The following ODF2L variants were observed in gnomAD, a reference collection of about 807,000 sequenced individuals.
ODF2L encodes outer dense fiber of sperm tails 2 like, also known as protein BCAP.
A neutral mutation model predicts 86.3 loss-of-function variants in ODF2L; 76 were observed. The observed-to-expected ratio is 0.88, with a 90% CI of 0.73 to 1.07. The LOEUF is 1.07. Among genes scored for constraint, ODF2L ranks in the 50% least tolerant of loss-of-function variants. The pLI is 0.00. For missense variants in ODF2L, 748 were observed against 717.4 expected (o/e 1.04, Z -0.49); for synonymous variants, 241 against 231.3 (o/e 1.04, Z -0.38).
chr1:86,361,090 A>C lies in ODF2L; in HGVS notation c.1144-554T>G, dbSNP rs78459527. Reference sequence around the variant, plus strand: ...ATAGCAAAAGTCCTAAAGAGCATAAAATTAAAAGAAGATATGTAGAAATGT... The same window carrying C: ...ATAGCAAAAGTCCTAAAGAGCATAACATTAAAAGAAGATATGTAGAAATGT... On this transcript the variant is annotated intron_variant, in intron 11 of 17. Coordinates refer to ENST00000317336, the Ensembl canonical transcript of ODF2L. Among the ~76,000 whole-genome samples, 1,744 of 152,326 alleles carry C rather than the reference A, an allele frequency of 0.011. 70 individuals carry two copies. In the East Asian group the frequency reaches 0.12, roughly 10 times the overall value.
chr1:86,380,283 T>C (rs964995720), intron 7 of ODF2L, among the ~76,000 whole-genome samples: 27 of 152,158 alleles, frequency 1.8e-4, no homozygotes, highest in African/African-American at 6.5e-4. Context: ...TTAGATTTGA[T>C]TTTTTTGAAG....
chr1:86,347,489 T>C (rs1657869926), downstream of ODF2L: 1 of 152,124 alleles, frequency 6.6e-6, no homozygotes, highest in Non-Finnish European at 1.5e-5. Context: ...TTGTTAGCAA[T>C]TGTTGGGTAA....
At chr1:86,391,585 C>G (rs556363542) in intron 1 of ODF2L, among the ~76,000 whole-genome samples, 1 of 152,226 alleles carries the variant, frequency 6.6e-6, no homozygotes, top group South Asian at 2.1e-4. Flanking sequence ...AAAAGACACC[C>G]TATTCAACAA....
chr1:86,366,429 C>CACAT (rs756627986), intron 11 of ODF2L, among the ~76,000 whole-genome samples: 1 of 139,832 alleles, frequency 7.2e-6, no homozygotes, highest in African/African-American at 2.9e-5. Flanking sequence ...CACACACACA[C>CACAT]ACACATACAC....
At chr1:86,382,139 G>A in intron 7 of ODF2L, 103 bp downstream of exon 7, 3 of 1,359,188 alleles carry the variant, frequency 2.2e-6, no homozygotes, top group South Asian at 1.8e-5. Context: ...GTCAACAACT[G>A]TGTATTTTAA....
exon 18 of ODF2L, chr1:86,351,559 T>C (rs1381703529): frequency 6.6e-6 from 1 of 152,212 alleles, no homozygotes; most frequent in African/African-American, 2.4e-5. Context: ...TTGCTTAGGA[T>C]TGTCTTGGTT....
chr1:86,394,623 C>T (rs1436566874), intron 1 of ODF2L, among the ~76,000 whole-genome samples: 1 of 151,862 alleles, frequency 6.6e-6, no homozygotes, highest in Non-Finnish European at 1.5e-5. Flanking sequence ...GAGAGCAGAC[C>T]GCGACCAGAT....
chr1:86,378,726 T>C (rs1660350133), intron 7 of ODF2L, among the ~76,000 whole-genome samples: 1 of 151,998 alleles, frequency 6.6e-6, no homozygotes, highest in Admixed American at 6.5e-5. Flanking sequence ...CTCACTATCA[T>C]GAGAACAGGA....
chr1:86,389,157 T>G (rs945905438), intron 1 of ODF2L, among the ~76,000 whole-genome samples: 1 of 152,212 alleles, frequency 6.6e-6, no homozygotes, highest in Admixed American at 6.5e-5. Flanking sequence ...TTGGACCAAA[T>G]GTATTCTTGT....
At position 86,378,333 on chromosome 1, in the gene ODF2L, C is replaced by T. The variant is rs543116847; in HGVS notation, c.625-1915G>A. On this transcript the variant is annotated intron_variant, in intron 7 of 17. Transcript: ENST00000317336. ...CAGCATTTTGCTCAACACCATTCAA[C>T]AAGCCTCTAGGAAGTTCCAAGCTCT... 6.6e-5 allele frequency among the ~76,000 whole-genome samples: 10 copies of T among 152,290 alleles called. No homozygotes were observed. In the East Asian group the frequency reaches 1.7e-3, roughly 26 times the overall value.
chr1:86,380,550 C>T (rs1399931950), intron 7 of ODF2L, among the ~76,000 whole-genome samples: 1 of 152,086 alleles, frequency 6.6e-6, no homozygotes, highest in Non-Finnish European at 1.5e-5. Flanking sequence ...GAACATAGTT[C>T]CAGACACGAT....
exon 9 of ODF2L, chr1:86,372,480 T>G: frequency 6.6e-7 from 1 of 1,524,072 alleles, no homozygotes; most frequent in Non-Finnish European, 8.8e-7. Flanking sequence ...TCTATCACAA[T>G]TTTCTCATAA....
chr1:86,394,976 G>T (rs551276741), intron 1 of ODF2L, among the ~76,000 whole-genome samples: 2 of 151,880 alleles, frequency 1.3e-5, no homozygotes, highest in Middle Eastern at 3.2e-3. Context: ...GAGTAGCTGG[G>T]ACTACGGGCG....
downstream of ODF2L, chr1:86,349,530 A>G (rs1165291484): frequency 6.6e-6 from 1 of 152,206 alleles, no homozygotes; most frequent in Non-Finnish European, 1.5e-5. Flanking sequence ...CAGGTGTTCA[A>G]TGACACCTGA....
At chr1:86,369,596 A>C (rs1320575747) in intron 10 of ODF2L, among the ~76,000 whole-genome samples, 2 of 152,204 alleles carry the variant, frequency 1.3e-5, no homozygotes, top group Non-Finnish European at 2.9e-5. Flanking sequence ...GAAAAGTTAC[A>C]ACTTTGTAAA....
At chr1:86,362,142 G>C (rs1354474173) in intron 11 of ODF2L, among the ~76,000 whole-genome samples, 1 of 151,998 alleles carries the variant, frequency 6.6e-6, no homozygotes, top group Non-Finnish European at 1.5e-5. Context: ...AAGGGGAAGA[G>C]TGGAAGGAGA....
chr1:86,358,652 C>T, intron 13 of ODF2L, 135 bp downstream of exon 12: 1 of 362,474 alleles, frequency 2.8e-6, no homozygotes, highest in African/African-American at 2.1e-5. Flanking sequence ...CCTTGGAAAA[C>T]AAACTCTTAC....
At chr1:86,373,591 T>C (rs1182513691) in intron 8 of ODF2L, among the ~76,000 whole-genome samples, 1 of 151,674 alleles carries the variant, frequency 6.6e-6, no homozygotes, top group Non-Finnish European at 1.5e-5. Context: ...GACAGCATCT[T>C]GTTATGTTGC....
chr1:86,380,254 A>C (rs1458925596), intron 7 of ODF2L, among the ~76,000 whole-genome samples: 1 of 152,194 alleles, frequency 6.6e-6, no homozygotes, highest in African/African-American at 2.4e-5. Context: ...AATTGAGATT[A>C]AGAAGTATAT....
Sources: gnomAD v4.1 joint callset for allele counts (sites outside exome capture counted in the v4.1 genomes callset) on GRCh38, gnomAD v4.1.1 for gene constraint, MANE v1.5 for transcripts, NCBI Gene and HGNC (gene_info 2026-07-23, HGNC 2026-07-21) for gene names.